Variants in GUCY1A2 observed in about 807,000 individuals in gnomAD.
The protein encoded by GUCY1A2 is guanylate cyclase 1 soluble subunit alpha 2, also known as guanylate cyclase soluble subunit alpha-2.
GUCY1A2 carries 27 observed loss-of-function variants against 63.5 expected under a neutral mutation model. The ratio of observed to expected loss-of-function variants is 0.43; its 90% CI spans 0.31 to 0.59. The LOEUF (loss-of-function observed/expected upper bound fraction) is 0.59, where lower values mean the gene tolerates loss of function less well. GUCY1A2 is among the 20% of genes least tolerant of loss of function. The pLI, the probability that GUCY1A2 is intolerant of heterozygous loss-of-function variation, is 0.11. For synonymous variants in GUCY1A2, 364 were observed against 343.5 expected (o/e 1.06, Z -0.66); for missense variants, 768 against 913.3 (o/e 0.84, Z 2.05).
At chr11:106,888,665 C>A (rs1859933596) in intron 4 of GUCY1A2, among the ~76,000 whole-genome samples, 1 of 152,158 alleles carries the variant, frequency 6.6e-6, no homozygotes, top group Non-Finnish European at 1.5e-5. Flanking sequence ...TAGTAAACAT[C>A]TAATTCATCA....
At chr11:106,934,626 G>T (rs916268346) in intron 4 of GUCY1A2, among the ~76,000 whole-genome samples, 1 of 152,134 alleles carries the variant, frequency 6.6e-6, no homozygotes, top group African/African-American at 2.4e-5. Flanking sequence ...GTTTCCCAGC[G>T]TTTGATTGTA....
chr11:106,882,281 T>C (rs146446686), intron 4 of GUCY1A2, among the ~76,000 whole-genome samples: 74 of 152,134 alleles, frequency 4.9e-4, no homozygotes, highest in Non-Finnish European at 7.5e-4. Context: ...GTGGAGATTC[T>C]AAAGGAAAGA....
At position 106,674,177 on chromosome 11, in the gene GUCY1A2, G is replaced by A. The variant is rs1009542874; in HGVS notation, c.*13372C>T. ...CCACTTTGTTTTATAAGAATCCCACGTTTCCATCACTTATTTTTCATATAC... is the reference window on the plus strand; with the variant it reads ...CCACTTTGTTTTATAAGAATCCCACATTTCCATCACTTATTTTTCATATAC... On this transcript the variant is annotated 3_prime_UTR_variant, in exon 8 of 8. Coordinates refer to ENST00000526355, the MANE Select transcript of GUCY1A2 (RefSeq NM_000855.3). The A allele has an allele frequency of 2.7e-5, 5 of 183,964 alleles. No individual in the cohort carries two copies. The highest frequency in any genetic ancestry group is 7.0e-5 in the African/African-American group (3 of 42,570). The allele number at this position is 183,964 out of a possible 1,614,324, so 11.4% of individuals were successfully genotyped here.
At chr11:106,993,736 C>T (rs1396369500) in intron 1 of GUCY1A2, among the ~76,000 whole-genome samples, 1 of 152,106 alleles carries the variant, frequency 6.6e-6, no homozygotes, top group Non-Finnish European at 1.5e-5. Flanking sequence ...TCAGGGTCAT[C>T]TTCAAGTACA....
At chr11:106,846,958 G>C (rs1463848591) in intron 4 of GUCY1A2, among the ~76,000 whole-genome samples, 2 of 151,196 alleles carry the variant, frequency 1.3e-5, no homozygotes. Flanking sequence ...GGACCAAAAA[G>C]AGGCCAATTT....
chr11:106,767,641 TCACAGA>T (rs1159558066), intron 6 of GUCY1A2, among the ~76,000 whole-genome samples: 1 of 152,136 alleles, frequency 6.6e-6, no homozygotes, highest in Non-Finnish European at 1.5e-5. Flanking sequence ...GACATACACA[TCACAGA>T]CACAATATTG....
At chr11:106,958,338 G>T (rs1236923695) in intron 3 of GUCY1A2, among the ~76,000 whole-genome samples, 1 of 152,126 alleles carries the variant, frequency 6.6e-6, no homozygotes, top group East Asian at 1.9e-4. Context: ...GAGCAGCTCA[G>T]GAAGCTTGCT....
At chr11:106,780,787 G>T (rs79225997) in intron 5 of GUCY1A2, among the ~76,000 whole-genome samples, 1 of 152,092 alleles carries the variant, frequency 6.6e-6, no homozygotes, top group Non-Finnish European at 1.5e-5. Flanking sequence ...ATTAAGTAAA[G>T]TGTATGTAAT....
At chr11:106,955,854 T>C (rs986658610) in intron 3 of GUCY1A2, among the ~76,000 whole-genome samples, 1 of 152,142 alleles carries the variant, frequency 6.6e-6, no homozygotes, top group Non-Finnish European at 1.5e-5. Context: ...TCTTGCTAGG[T>C]TGGGGAAGTT....
chr11:106,797,068 G>A (rs1264462314), intron 5 of GUCY1A2, among the ~76,000 whole-genome samples: 1 of 151,968 alleles, frequency 6.6e-6, no homozygotes, highest in Non-Finnish European at 1.5e-5. Context: ...TGATCAAATT[G>A]GCTACTGAAG....
At chr11:106,821,948 T>C (rs1858908955) in intron 4 of GUCY1A2, among the ~76,000 whole-genome samples, 2 of 152,180 alleles carry the variant, frequency 1.3e-5, no homozygotes, top group Admixed American at 6.6e-5. Flanking sequence ...TTGTTTAATA[T>C]ATTGCTTAGT....
intron 6 of GUCY1A2, among the ~76,000 whole-genome samples, chr11:106,748,295 C>T (rs1225916091): frequency 7.4e-6 from 1 of 134,730 alleles, no homozygotes; most frequent in African/African-American, 2.9e-5. Context: ...TCAAAACAAC[C>T]TGAAACAAAC....
chr11:106,786,399 T>C (rs1259441308), intron 5 of GUCY1A2, among the ~76,000 whole-genome samples: 4 of 152,150 alleles, frequency 2.6e-5, no homozygotes, highest in East Asian at 1.9e-4. Flanking sequence ...TGGATATAAA[T>C]AGAACAGTGA....
chr11:106,795,327 C>G (rs961287279), intron 5 of GUCY1A2, among the ~76,000 whole-genome samples: 3 of 152,064 alleles, frequency 2.0e-5, no homozygotes, highest in Non-Finnish European at 4.4e-5. Flanking sequence ...TGAAATATGC[C>G]CGACTGGATA....
At chr11:106,923,932 A>C (rs533928821) in intron 4 of GUCY1A2, among the ~76,000 whole-genome samples, 6 of 152,192 alleles carry the variant, frequency 3.9e-5, no homozygotes, top group African/African-American at 1.4e-4. Context: ...TAAAATGACA[A>C]AGATAAGTCT....
At chr11:106,770,434 C>G (rs1486374104) in intron 6 of GUCY1A2, among the ~76,000 whole-genome samples, 2 of 152,030 alleles carry the variant, frequency 1.3e-5, no homozygotes, top group Non-Finnish European at 2.9e-5. Context: ...TATGGAGTGC[C>G]AACTGTAATT....
chr11:106,790,955 A>T (rs1309812678), intron 5 of GUCY1A2, among the ~76,000 whole-genome samples: 1 of 152,140 alleles, frequency 6.6e-6, no homozygotes, highest in African/African-American at 2.4e-5. Flanking sequence ...GGGTTGAGGG[A>T]GGGGTGCTGC....
chr11:106,861,838 T>C (rs902848060), intron 4 of GUCY1A2, among the ~76,000 whole-genome samples: 9 of 152,028 alleles, frequency 5.9e-5, no homozygotes, highest in African/African-American at 1.2e-4. Context: ...ACAACACTTA[T>C]CATTATCTAA....
chr11:106,962,180 G>A (rs541126236), intron 3 of GUCY1A2, among the ~76,000 whole-genome samples: 2 of 152,100 alleles, frequency 1.3e-5, no homozygotes, highest in African/African-American at 4.8e-5. Flanking sequence ...CTATTAACAG[G>A]ACTAGATTCA....
Sources: gnomAD v4.1 joint callset for allele counts (sites outside exome capture counted in the v4.1 genomes callset) on GRCh38, gnomAD v4.1.1 for gene constraint, MANE v1.5 for transcripts, NCBI Gene and HGNC (gene_info 2026-07-23, HGNC 2026-07-21) for gene names.